The following FCHSD2 variants were observed in gnomAD, a reference collection of about 807,000 sequenced individuals.
FCHSD2 encodes F-BAR and double SH3 domains protein 2.
Under a neutral mutation model 108.1 loss-of-function variants are expected in FCHSD2, and 38 were observed. The ratio of observed to expected loss-of-function variants is 0.35; its 90% CI spans 0.27 to 0.46. FCHSD2 has a LOEUF of 0.46. Ranked by LOEUF, FCHSD2 falls within the 20% of genes least tolerant of loss-of-function variation. The pLI, the probability that FCHSD2 is intolerant of heterozygous loss-of-function variation, is 1.00. For synonymous variants in FCHSD2, 279 were observed against 314.7 expected, an observed-to-expected ratio of 0.89 and a Z score of 1.20; for missense variants, 751 against 897.8, an observed-to-expected ratio of 0.84 and a Z score of 2.09.
intron 12 of FCHSD2, among the ~76,000 whole-genome samples, chr11:72,884,294 T>C (rs896198178): frequency 1.3e-5 from 2 of 152,050 alleles, no homozygotes; most frequent in African/African-American, 4.8e-5. Flanking sequence ...CAAAATATAA[T>C]AGTTGAATCT....
At chr11:72,985,669 G>A (rs1565354693) in intron 6 of FCHSD2, among the ~76,000 whole-genome samples, 2 of 121,222 alleles carry the variant, frequency 1.6e-5, no homozygotes, top group Non-Finnish European at 3.3e-5. Flanking sequence ...GGGGTATTCT[G>A]AACTTACTGA....
At chr11:73,068,639 T>G (rs1859353888) in intron 3 of FCHSD2, among the ~76,000 whole-genome samples, 1 of 151,846 alleles carries the variant, frequency 6.6e-6, no homozygotes, top group South Asian at 2.1e-4. Context: ...GAACACACAT[T>G]TGGTACAGAT....
In FCHSD2 at chr11:72,843,376, C is replaced by T. The variant is rs369300695; in HGVS notation, c.1528-48G>A. 1.1e-5 allele frequency: 17 copies of T among 1,610,322 alleles called. No homozygotes were observed. The African/African-American group carries it at 2.0e-4, about 19-fold the overall frequency. ...AACAAGTTTACACACACAATTTAGA[C>T]AGGGCACAACAAAGACCAAAACAAA... On this transcript the variant is annotated intron_variant, in intron 15 of 19. Coordinates refer to ENST00000409418, the MANE Select transcript of FCHSD2 (RefSeq NM_014824.3).
chr11:72,935,889 T>C (rs1183160059), intron 8 of FCHSD2, among the ~76,000 whole-genome samples: 1 of 147,666 alleles, frequency 6.8e-6, no homozygotes, highest in African/African-American at 2.4e-5. Context: ...ATAAAGCTTG[T>C]GTTATCCTCT....
chr11:72,978,893 G>A (rs1317806197), intron 8 of FCHSD2, among the ~76,000 whole-genome samples: 1 of 117,378 alleles, frequency 8.5e-6, no homozygotes, highest in Non-Finnish European at 1.6e-5. Flanking sequence ...GTCTCACTCT[G>A]TCACCCAGGC....
intron 12 of FCHSD2, among the ~76,000 whole-genome samples, chr11:72,880,691 G>A (rs1855065286): frequency 6.6e-6 from 1 of 151,790 alleles, no homozygotes; most frequent in African/African-American, 2.4e-5. Flanking sequence ...TGAGGCGGGT[G>A]GATCCCTTGA....
At chr11:73,072,616 A>G (rs1259576770) in intron 3 of FCHSD2, among the ~76,000 whole-genome samples, 1 of 152,140 alleles carries the variant, frequency 6.6e-6, no homozygotes, top group African/African-American at 2.4e-5. Context: ...AGAAAATAAT[A>G]CTCAATTTTG....
At chr11:72,912,593 ATG>A (rs1395641838) in intron 9 of FCHSD2, among the ~76,000 whole-genome samples, 4 of 152,138 alleles carry the variant, frequency 2.6e-5, no homozygotes, top group Admixed American at 2.6e-4. Flanking sequence ...TTATTTTTTG[ATG>A]TGTCTTTGTC....
At chr11:72,911,045 G>A (rs1162786619) in intron 9 of FCHSD2, among the ~76,000 whole-genome samples, 1 of 151,952 alleles carries the variant, frequency 6.6e-6, no homozygotes, top group Admixed American at 6.6e-5. Context: ...GTGCTTGCAG[G>A]GTATTACTCA....
intron 3 of FCHSD2, among the ~76,000 whole-genome samples, chr11:73,061,533 G>A (rs1028151856): frequency 1.3e-4 from 20 of 152,284 alleles, no homozygotes; most frequent in African/African-American, 4.3e-4. Flanking sequence ...CCACCCCCAC[G>A]GAGCCCAGCA....
At chr11:72,896,195 T>C (rs1261943688) in intron 10 of FCHSD2, among the ~76,000 whole-genome samples, 2 of 152,200 alleles carry the variant, frequency 1.3e-5, no homozygotes, top group Non-Finnish European at 2.9e-5. Context: ...AGATCATACA[T>C]CAGAAATTTA....
At chr11:72,900,309 A>C in intron 10 of FCHSD2, 1 of 1,518,996 alleles carries the variant, frequency 6.6e-7, no homozygotes, top group South Asian at 1.2e-5. Flanking sequence ...AATATCCACC[A>C]GTTGGGCGGC....
intron 9 of FCHSD2, among the ~76,000 whole-genome samples, chr11:72,920,018 A>G (rs1338158959): frequency 6.6e-6 from 1 of 152,104 alleles, no homozygotes; most frequent in Non-Finnish European, 1.5e-5. Flanking sequence ...TAAAAGCTTT[A>G]AACAAATTTA....
chr11:73,008,728 CAGT>C (rs1218454664), intron 4 of FCHSD2, among the ~76,000 whole-genome samples: 1 of 152,094 alleles, frequency 6.6e-6, no homozygotes, highest in Non-Finnish European at 1.5e-5. Context: ...AGGGGAGTGA[CAGT>C]AGGCCTGTTT....
rs199857250 is a variant in FCHSD2 at position 73,082,637 on chromosome 11, G to A, written c.165+1058C>T. On this transcript the variant is annotated intron_variant, in intron 3 of 19. Coordinates refer to ENST00000409418, the MANE Select transcript of FCHSD2 (RefSeq NM_014824.3). ...CCCAATCTCTCATTATTTATAATGA[G>A]AATAAAAACAGTAGCAGCAATAGTG... Among the ~76,000 whole-genome samples the A allele has an allele frequency of 1.9e-4, 29 of 152,122 alleles. No homozygotes were observed. In the East Asian group the frequency reaches 5.4e-3, roughly 28 times the overall value.
At chr11:73,039,675 A>G (rs1268222586) in intron 3 of FCHSD2, among the ~76,000 whole-genome samples, 1 of 152,202 alleles carries the variant, frequency 6.6e-6, no homozygotes, top group Admixed American at 6.5e-5. Flanking sequence ...ATTAGGACAA[A>G]AACTTCCTAA....
At chr11:72,949,857 T>G (rs1195001179) in intron 8 of FCHSD2, among the ~76,000 whole-genome samples, 1 of 152,252 alleles carries the variant, frequency 6.6e-6, no homozygotes, top group African/African-American at 2.4e-5. Context: ...AACTTTTTGC[T>G]TGAACACTTG....
chr11:73,129,622 A>G (rs934919617), intron 2 of FCHSD2, among the ~76,000 whole-genome samples: 1 of 152,196 alleles, frequency 6.6e-6, no homozygotes, highest in African/African-American at 2.4e-5. Flanking sequence ...CTGATTCTAC[A>G]GTATACTGGG....
chr11:72,927,878 T>C (rs1293417026), intron 8 of FCHSD2, among the ~76,000 whole-genome samples: 1 of 152,222 alleles, frequency 6.6e-6, no homozygotes, highest in Non-Finnish European at 1.5e-5. Context: ...AATCACGCTC[T>C]ACTTTAGATG....
Sources: gnomAD v4.1 joint callset for allele counts (sites outside exome capture counted in the v4.1 genomes callset) on GRCh38, gnomAD v4.1.1 for gene constraint, MANE v1.5 for transcripts, NCBI Gene and HGNC (gene_info 2026-07-23, HGNC 2026-07-21) for gene names.